Variants in DNER observed in about 807,000 individuals in gnomAD.
DNER encodes the protein delta/notch like EGF repeat containing.
A neutral mutation model predicts 78.2 loss-of-function variants in DNER; 33 were observed. The observed-to-expected ratio is 0.42, with a 90% confidence interval of 0.32 to 0.56. The LOEUF is 0.56. Among genes scored for constraint, DNER ranks in the 20% least tolerant of loss-of-function variants. DNER has a pLI of 0.11. For synonymous variants in DNER, 417 were observed against 384.8 expected (o/e 1.08, Z -0.98); for missense variants, 918 against 975.3 (o/e 0.94, Z 0.78).
intron 8 of DNER, among the ~76,000 whole-genome samples, chr2:229,444,439 C>T (rs779286320): frequency 6.6e-5 from 10 of 152,160 alleles, no homozygotes; most frequent in Non-Finnish European, 1.0e-4. Flanking sequence ...CTACCACTCT[C>T]GGCTGCCTCT....
At chr2:229,522,369 T>C (rs1696117593) in intron 5 of DNER, among the ~76,000 whole-genome samples, 1 of 152,338 alleles carries the variant, frequency 6.6e-6, no homozygotes, top group South Asian at 2.1e-4. Context: ...AGGCATACAA[T>C]TTACATGTAA....
chr2:229,693,267 A>G (rs1699610678), intron 1 of DNER, among the ~76,000 whole-genome samples: 1 of 151,734 alleles, frequency 6.6e-6, no homozygotes, highest in African/African-American at 2.4e-5. Context: ...TTCCCCTTCC[A>G]TCATGATTGT....
chr2:229,669,228 C>T (rs1191306974), intron 1 of DNER, among the ~76,000 whole-genome samples: 1 of 151,858 alleles, frequency 6.6e-6, no homozygotes, highest in Non-Finnish European at 1.5e-5. Flanking sequence ...GGGTTGGGGG[C>T]AAGGGCAGGG....
intron 6 of DNER, among the ~76,000 whole-genome samples, chr2:229,494,232 T>C (rs1275996355): frequency 6.6e-6 from 1 of 152,162 alleles, no homozygotes; most frequent in Non-Finnish European, 1.5e-5. Context: ...TCTAGCATAA[T>C]ACCTAATATC....
Position 229,545,028 on chromosome 2 carries a change from C to G in DNER, c.993+1919G>C, listed in dbSNP as rs1284766838. ...AGAAGGCATCACCAAAGAAAACCTACCTGTGCTACCCTCAAAATCTCAAAC... is the reference window on the plus strand; with the variant it reads ...AGAAGGCATCACCAAAGAAAACCTAGCTGTGCTACCCTCAAAATCTCAAAC... On this transcript the variant is annotated intron_variant, in intron 5 of 12. Coordinates refer to ENST00000341772, the MANE Select transcript of DNER (RefSeq NM_139072.4). 2.6e-5 allele frequency among the ~76,000 whole-genome samples: 4 copies of G among 152,280 alleles called. No homozygotes were observed. The East Asian group carries it at 7.7e-4, about 29-fold the overall frequency.
intron 6 of DNER, among the ~76,000 whole-genome samples, chr2:229,503,649 A>G (rs1310134141): frequency 2.0e-5 from 3 of 152,204 alleles, no homozygotes; most frequent in African/African-American, 7.2e-5. Context: ...GGAGACATTC[A>G]TGCAGTATGA....
chr2:229,378,347 T>G (rs1365423600), intron 11 of DNER, among the ~76,000 whole-genome samples: 1 of 152,184 alleles, frequency 6.6e-6, no homozygotes, highest in Non-Finnish European at 1.5e-5. Context: ...ACCTTTGAAC[T>G]GAGACCTGAA....
intron 8 of DNER, among the ~76,000 whole-genome samples, chr2:229,430,901 T>C (rs1693989251): frequency 6.6e-6 from 1 of 152,012 alleles, no homozygotes. Flanking sequence ...AAATATTTTT[T>C]TAGTGGAGAG....
At chr2:229,435,914 T>TAAAC (rs1282543345) in intron 8 of DNER, among the ~76,000 whole-genome samples, 11 of 152,246 alleles carry the variant, frequency 7.2e-5, no homozygotes, top group Non-Finnish European at 1.3e-4. Flanking sequence ...TGGTAAAAGA[T>TAAAC]AAACATGTGC....
At chr2:229,569,045 A>G (rs1331065132) in intron 4 of DNER, among the ~76,000 whole-genome samples, 2 of 152,098 alleles carry the variant, frequency 1.3e-5, no homozygotes, top group Non-Finnish European at 2.9e-5. Context: ...ATGGATGCGT[A>G]TCTATGTCTG....
chr2:229,666,350 TA>T (rs1436997333), intron 1 of DNER, among the ~76,000 whole-genome samples: 1 of 152,170 alleles, frequency 6.6e-6, no homozygotes, highest in Non-Finnish European at 1.5e-5. Flanking sequence ...TGGCTCATTA[TA>T]AAAAGCACAG....
At chr2:229,366,504 G>A (rs1177697728) in intron 12 of DNER, among the ~76,000 whole-genome samples, 2 of 152,082 alleles carry the variant, frequency 1.3e-5, no homozygotes, top group Non-Finnish European at 2.9e-5. Flanking sequence ...TACGTCAAAT[G>A]AAATCATTTA....
intron 4 of DNER, among the ~76,000 whole-genome samples, chr2:229,557,378 T>C (rs998676830): frequency 6.6e-6 from 1 of 152,230 alleles, no homozygotes; most frequent in Non-Finnish European, 1.5e-5. Context: ...CTTGTCTTCA[T>C]ACTCAGAATT....
intron 2 of DNER, among the ~76,000 whole-genome samples, chr2:229,590,787 A>T (rs1424887928): frequency 6.6e-6 from 1 of 152,206 alleles, no homozygotes; most frequent in Non-Finnish European, 1.5e-5. Context: ...CTGTGATATG[A>T]TTTGGATCTG....
intron 6 of DNER, among the ~76,000 whole-genome samples, chr2:229,503,369 G>A (rs1199775725): frequency 2.0e-5 from 3 of 152,266 alleles, no homozygotes; most frequent in Middle Eastern, 3.4e-3. Flanking sequence ...CCAGCAGAGT[G>A]GCCAAACCTA....
intron 6 of DNER, among the ~76,000 whole-genome samples, chr2:229,495,290 C>T (rs1419862927): frequency 6.6e-6 from 1 of 152,068 alleles, no homozygotes; most frequent in Non-Finnish European, 1.5e-5. Flanking sequence ...TATAACAGAA[C>T]CAATAGGAGA....
chr2:229,577,560 G>A (rs542586364), intron 4 of DNER, among the ~76,000 whole-genome samples: 22 of 152,222 alleles, frequency 1.4e-4, no homozygotes, highest in South Asian at 6.2e-4. Context: ...ACTTGAGCCC[G>A]GGAGGCAGAG....
At chr2:229,359,147 G>T (rs893518310) in intron 12 of DNER, among the ~76,000 whole-genome samples, 2 of 152,152 alleles carry the variant, frequency 1.3e-5, no homozygotes, top group African/African-American at 2.4e-5. Context: ...ACACAAAAGG[G>T]CAGAGGTGGG....
At chr2:229,463,264 T>C (rs1694739456) in intron 7 of DNER, among the ~76,000 whole-genome samples, 1 of 152,054 alleles carries the variant, frequency 6.6e-6, no homozygotes, top group African/African-American at 2.4e-5. Context: ...AATGGTGTAA[T>C]AGAGAACATA....
Sources: allele counts gnomAD v4.1 joint callset (sites outside exome capture counted in the v4.1 genomes callset), GRCh38; gene constraint gnomAD v4.1.1; transcripts MANE v1.5; gene names NCBI Gene and HGNC (gene_info 2026-07-23, HGNC 2026-07-21).